The following VMP1 variants were observed in gnomAD, a reference collection of about 807,000 sequenced individuals.
VMP1 encodes the protein ectopic P-granules autophagy protein 3 homolog.
VMP1 carries 11 observed loss-of-function variants against 56.0 expected under a neutral mutation model. That is an observed-to-expected ratio of 0.20 (90% CI 0.12 to 0.32). VMP1 has a LOEUF of 0.32. VMP1 is among the 10% of genes least tolerant of loss of function. The pLI is 1.00. For synonymous variants in VMP1, 149 were observed against 165.0 expected (o/e 0.90, Z 0.74); for missense variants, 296 against 490.3 (o/e 0.60, Z 3.74).
chr17:59,716,129 G>A (rs1381518264), intron 1 of VMP1, among the ~76,000 whole-genome samples: 1 of 152,096 alleles, frequency 6.6e-6, no homozygotes, highest in Non-Finnish European at 1.5e-5. Context: ...CCCTACAGTG[G>A]TGTTGCTTTA....
chr17:59,743,567 T>C (rs1475205686), intron 5 of VMP1, among the ~76,000 whole-genome samples: 1 of 141,058 alleles, frequency 7.1e-6, no homozygotes, highest in Admixed American at 7.4e-5. Flanking sequence ...CTGCTCTCTC[T>C]CTCTCTCTCT....
intron 1 of VMP1, among the ~76,000 whole-genome samples, chr17:59,724,371 G>A (rs1005892568): frequency 2.0e-5 from 3 of 151,994 alleles, no homozygotes; most frequent in African/African-American, 7.3e-5. Context: ...ATCAATTTTA[G>A]GTTTGAGCTT....
chr17:59,824,992 T>A (rs1240448050), intron 10 of VMP1, among the ~76,000 whole-genome samples: 2 of 150,838 alleles, frequency 1.3e-5, no homozygotes, highest in African/African-American at 4.9e-5. Context: ...TCCAGCCTGG[T>A]CTCGAACATG....
intron 1 of VMP1, among the ~76,000 whole-genome samples, chr17:59,714,180 C>T (rs1181335983): frequency 2.0e-5 from 3 of 151,622 alleles, no homozygotes; most frequent in East Asian, 3.9e-4. Flanking sequence ...AGTTCAAGAT[C>T]GAGTGGCCAC....
chr17:59,720,069 G>A (rs1054595430), intron 1 of VMP1, among the ~76,000 whole-genome samples: 12 of 152,146 alleles, frequency 7.9e-5, no homozygotes, highest in African/African-American at 1.9e-4. Flanking sequence ...ACTTACATAC[G>A]TGCACTCGGT....
At chr17:59,796,012 G>T (rs1362616717) in intron 7 of VMP1, among the ~76,000 whole-genome samples, 1 of 152,112 alleles carries the variant, frequency 6.6e-6, no homozygotes, top group East Asian at 1.9e-4. Context: ...AGAATTGCTG[G>T]TGTTTGTATT....
chr17:59,796,333 A>G (rs2037436700), intron 7 of VMP1, among the ~76,000 whole-genome samples: 1 of 152,182 alleles, frequency 6.6e-6, no homozygotes, highest in East Asian at 1.9e-4. Flanking sequence ...GAGGTTCCAG[A>G]TTGTTATCAG....
chr17:59,714,998 A>G (rs934146931), intron 1 of VMP1, among the ~76,000 whole-genome samples: 16 of 152,104 alleles, frequency 1.1e-4, no homozygotes, highest in African/African-American at 2.9e-4. Context: ...TGTATTCTCT[A>G]TTCTTTTCCA....
In VMP1 at chr17:59,818,529, G is replaced by A. The variant is rs538199649; in HGVS notation, c.974+756G>A. ...CTGATGCCTGTAATCCCAGCACTTTGGGAGGCCAGGGCAGGCGGATCGCCT... is the reference window on the plus strand; with the variant it reads ...CTGATGCCTGTAATCCCAGCACTTTAGGAGGCCAGGGCAGGCGGATCGCCT... On this transcript the variant is annotated intron_variant, in intron 10 of 11. Transcript: ENST00000262291. 2.6e-5 allele frequency among the ~76,000 whole-genome samples: 4 copies of A among 152,288 alleles called. No homozygotes were observed. In the South Asian group the frequency reaches 8.3e-4, roughly 32 times the overall value.
At chr17:59,716,456 C>T (rs2034155015) in intron 1 of VMP1, among the ~76,000 whole-genome samples, 1 of 152,114 alleles carries the variant, frequency 6.6e-6, no homozygotes, top group African/African-American at 2.4e-5. Context: ...ACTGTTTTTT[C>T]ATCTTGTGTG....
rs547903550 is a variant in VMP1, at chr17:59,813,343, C to T, written c.912+1557C>T. 6.6e-5 allele frequency among the ~76,000 whole-genome samples: 10 copies of T among 152,182 alleles called. No homozygotes were observed. In the East Asian group the frequency reaches 7.7e-4, roughly 12 times the overall value. On this transcript the variant is annotated intron_variant, in intron 9 of 11. Coordinates refer to ENST00000262291, the MANE Select transcript of VMP1 (RefSeq NM_030938.5). ...CTGTAATCCCAGCACTTTGGGAGGC[C>T]GAGGCGGGTGGATCACCTGAGGTCG... is the stretch of plus-strand genomic sequence containing the variant.
At chr17:59,829,793 G>A (rs760164541) in intron 10 of VMP1, among the ~76,000 whole-genome samples, 2 of 151,992 alleles carry the variant, frequency 1.3e-5, no homozygotes, top group African/African-American at 4.8e-5. Flanking sequence ...AGTAGGATAG[G>A]GAAGGGCTTT....
intron 5 of VMP1, among the ~76,000 whole-genome samples, chr17:59,753,687 G>A (rs756919918): frequency 6.6e-6 from 1 of 152,108 alleles, no homozygotes; most frequent in Non-Finnish European, 1.5e-5. Flanking sequence ...TTTCAGTTAA[G>A]CCCAGCTTCT....
At chr17:59,760,311 C>T (rs1254502697) in intron 5 of VMP1, among the ~76,000 whole-genome samples, 1 of 152,008 alleles carries the variant, frequency 6.6e-6, no homozygotes, top group African/African-American at 2.4e-5. Flanking sequence ...CATTTTACTT[C>T]TTGTATATTT....
chr17:59,806,814 A>T (rs2037857990), intron 7 of VMP1, among the ~76,000 whole-genome samples: 1 of 152,134 alleles, frequency 6.6e-6, no homozygotes, highest in Non-Finnish European at 1.5e-5. Context: ...TTGGAAATAA[A>T]TTATAAAATT....
intron 5 of VMP1, among the ~76,000 whole-genome samples, chr17:59,752,838 C>G (rs779239840): frequency 6.6e-6 from 1 of 152,090 alleles, no homozygotes; most frequent in Non-Finnish European, 1.5e-5. Flanking sequence ...AGATTTTTAG[C>G]TGTTCTTATT....
At chr17:59,807,644 C>A (rs1297531374) in intron 7 of VMP1, among the ~76,000 whole-genome samples, 4 of 151,858 alleles carry the variant, frequency 2.6e-5, no homozygotes, top group Non-Finnish European at 5.9e-5. Flanking sequence ...ACCAGCTTGA[C>A]CAACATGGTG....
intron 6 of VMP1, among the ~76,000 whole-genome samples, chr17:59,771,606 G>GTTTTTTTTTTT (rs1306304917): frequency 8.1e-6 from 1 of 123,452 alleles, no homozygotes; most frequent in African/African-American, 3.0e-5. Context: ...GGTTTTTTTG[G>GTTTTTTTTTTT]TTTTTTTTTT....
intron 5 of VMP1, among the ~76,000 whole-genome samples, chr17:59,749,350 G>A (rs1417776084): frequency 6.6e-6 from 1 of 151,940 alleles, no homozygotes; most frequent in Non-Finnish European, 1.5e-5. Flanking sequence ...ATAAGACCAA[G>A]ATCTAAGTTA....
Sources: allele counts gnomAD v4.1 joint callset (sites outside exome capture counted in the v4.1 genomes callset), GRCh38; gene constraint gnomAD v4.1.1; transcripts MANE v1.5; gene names NCBI Gene and HGNC (gene_info 2026-07-23, HGNC 2026-07-21).